Variants in SEPTIN2 observed in about 807,000 individuals in gnomAD.
SEPTIN2 encodes the protein septin 2, also known as septin-2.
SEPTIN2 carries 34 observed loss-of-function variants against 46.5 expected under a neutral mutation model. The ratio of observed to expected loss-of-function variants is 0.73; its 90% CI spans 0.56 to 0.97. The LOEUF is 0.97. SEPTIN2 is among the 50% of genes least tolerant of loss of function. The pLI, the probability that SEPTIN2 is intolerant of heterozygous loss-of-function variation, is 0.00. For missense variants in SEPTIN2, 347 were observed against 448.4 expected, an observed-to-expected ratio of 0.77 and a Z score of 2.04; for synonymous variants, 175 against 153.4, an observed-to-expected ratio of 1.14 and a Z score of -1.04.
rs1199875576 is a variant in SEPTIN2 at position 241,337,489 on chromosome 2, T to C, written c.449T>C (p.Phe150Ser). The C allele has an allele frequency of 6.2e-7, 1 of 1,614,014 alleles. No homozygotes were observed. The highest frequency in any genetic ancestry group is 1.1e-5 in the South Asian group (1 of 91,008). The part of the protein sequence containing the change: ...HIIDNRVHCC[F>S]YFISPFGHGL... ...ATTGATAATAGGGTGCATTGTTGCT[T>C]TTACTTTATTTCACCTTTTGGACAT... Residue 150 changes from phenylalanine (F) to serine (S), a missense_variant, in exon 6 of 13, where the codon TTT becomes TCT. By Grantham distance (155) the Phe-to-Ser change is radical. Transcript: ENST00000391971.
intron 1 of SEPTIN2, chr2:241,317,653 C>T (rs1471038260): frequency 4.1e-5 from 28 of 683,892 alleles, no homozygotes; most frequent in Non-Finnish European, 5.0e-5. Flanking sequence ...CCACTTATCC[C>T]TGCCCCAGTC....
At chr2:241,320,746 G>A (rs1287981141) in intron 1 of SEPTIN2, among the ~76,000 whole-genome samples, 2 of 152,080 alleles carry the variant, frequency 1.3e-5, no homozygotes, top group Admixed American at 1.3e-4. Flanking sequence ...CTGAGATCGC[G>A]CCAGTGCACT....
At chr2:241,324,784 A>G (rs1421200416) in intron 2 of SEPTIN2, 1 of 154,180 alleles carries the variant, frequency 6.5e-6, no homozygotes, top group Non-Finnish European at 1.4e-5. Flanking sequence ...CCCTTAGTTC[A>G]TTCCCAGCAG....
At chr2:241,339,677 AT>A in intron 7 of SEPTIN2, among the ~76,000 whole-genome samples, 1 of 152,066 alleles carries the variant, frequency 6.6e-6, no homozygotes, top group South Asian at 2.1e-4. Flanking sequence ...CTTTGACCAA[AT>A]TTACTGTTTC....
chr2:241,327,236 CTA>C (rs1309064670), intron 3 of SEPTIN2, among the ~76,000 whole-genome samples: 1 of 151,446 alleles, frequency 6.6e-6, no homozygotes, highest in Non-Finnish European at 1.5e-5. Context: ...AAGAAGAACT[CTA>C]TTACTTAAAG....
chr2:241,324,084 G>A lies in SEPTIN2; in HGVS notation c.-17-132G>A, dbSNP rs562423760. ...AATGCATTTGGAAGGTCCTGAAATT[G>A]TATTTTCTTTTTACATTGCCTATGT... On this transcript the variant is annotated intron_variant, in intron 1 of 12. Transcript: ENST00000391971. 14 of 773,724 alleles carry A rather than the reference G, an allele frequency of 1.8e-5. No individual in the cohort carries two copies. The South Asian group carries it at 2.3e-4, about 13-fold the overall frequency. The allele number at this position is 773,724 out of a possible 1,614,324, so 47.9% of individuals were successfully genotyped here.
chr2:241,332,103 C>T (rs983655198), intron 3 of SEPTIN2, among the ~76,000 whole-genome samples: 1 of 152,060 alleles, frequency 6.6e-6, no homozygotes. Flanking sequence ...GCTATAAAAA[C>T]TACAAGAAAA....
In SEPTIN2 at chr2:241,350,213, G is replaced by C; in HGVS notation, c.*29+10G>C. 2.0e-5 allele frequency: 31 copies of C among 1,519,000 alleles called. No individual in the cohort carries two copies. The highest frequency in any genetic ancestry group is 2.8e-5 in the Non-Finnish European group (31 of 1,118,066). 94.1% of individuals were successfully genotyped at this position (1,519,000 alleles called of 1,614,324 possible). On this transcript the variant is annotated intron_variant, in intron 12 of 12. Coordinates refer to ENST00000391971, the MANE Select transcript of SEPTIN2 (RefSeq NM_004404.5). ...TATCAAGAAGTCAGAGGTAGGCCCT[G>C]TTGTCCCTTAGCCTGGAAGACAGGC...
intron 3 of SEPTIN2, among the ~76,000 whole-genome samples, chr2:241,328,736 C>T (rs2078440527): frequency 6.6e-6 from 1 of 150,452 alleles, no homozygotes; most frequent in Non-Finnish European, 1.5e-5. Flanking sequence ...GAGAGAAACT[C>T]CATCTCAAAA....
intron 1 of SEPTIN2, among the ~76,000 whole-genome samples, chr2:241,322,205 G>A (rs907991005): frequency 7.2e-5 from 11 of 152,064 alleles, no homozygotes; most frequent in Non-Finnish European, 1.5e-4. Flanking sequence ...GCTCCAGAGG[G>A]AACCAAATTT....
Position 241,348,184 on chromosome 2 carries a change from A to C in SEPTIN2, c.977A>C (p.Glu326Ala). ...AAAGACCAGATCTTGCTGGAAAAAGAAGCTGAGGTAAGTAGGAAAGTACTA... is the reference window on the plus strand; with the variant it reads ...AAAGACCAGATCTTGCTGGAAAAAGCAGCTGAGGTAAGTAGGAAAGTACTA... ...MNKDQILLEK[E>A]AELRRMQEMI... The change falls in exon 11 of 13, where the codon GAA becomes GCA. Residue 326 changes from glutamate to alanine, a missense_variant. Physicochemically the swap from Glu to Ala is moderately radical, Grantham distance 107 (BLOSUM62 -1). Coordinates refer to ENST00000391971, the MANE Select transcript of SEPTIN2 (RefSeq NM_004404.5). 6.2e-7 allele frequency: 1 copy of C among 1,612,560 alleles called. No individual in the cohort carries two copies. The highest frequency in any genetic ancestry group is 8.5e-7 in the Non-Finnish European group (1 of 1,179,194).
At chr2:241,348,657 A>G (rs1467321255) in intron 11 of SEPTIN2, among the ~76,000 whole-genome samples, 3 of 152,114 alleles carry the variant, frequency 2.0e-5, no homozygotes, top group South Asian at 2.1e-4. Flanking sequence ...CTTTATTACT[A>G]TATATACACA....
In SEPTIN2 at chr2:241,337,484, T is replaced by TG; in HGVS notation, c.444_445insG (p.Cys149ValfsTer13). The TG allele has an allele frequency of 6.2e-7, 1 of 1,614,108 alleles. No individual in the cohort carries two copies. Among genetic ancestry groups the TG allele is most frequent in the South Asian group, 1.1e-5 (1 of 91,052 alleles). On this transcript the variant is annotated frameshift_variant, in exon 6 of 13. Transcript: ENST00000391971. LOFTEE classifies it high-confidence loss of function. Reference sequence around the variant, plus strand: ...ACATCATTGATAATAGGGTGCATTGTTGCTTTTACTTTATTTCACCTTTTG... The same window carrying TG: ...ACATCATTGATAATAGGGTGCATTGTGTGCTTTTACTTTATTTCACCTTTTG...
At chr2:241,341,436 T>A (rs2081250284) in intron 7 of SEPTIN2, among the ~76,000 whole-genome samples, 1 of 152,164 alleles carries the variant, frequency 6.6e-6, no homozygotes. Context: ...AAGTGTAAGC[T>A]CCATCTTTAT....
intron 1 of SEPTIN2, chr2:241,317,397 G>C (rs12233133): frequency 0.17 from 39,690 of 238,902 alleles, 3,874 homozygotes; most frequent in East Asian, 0.41. Context: ...TTTACATTCT[G>C]ACTGGCTCTT....
intron 1 of SEPTIN2, among the ~76,000 whole-genome samples, chr2:241,318,769 C>T (rs1196497636): frequency 1.3e-5 from 2 of 148,880 alleles, no homozygotes; most frequent in Non-Finnish European, 3.0e-5. Context: ...GGTGCGATCT[C>T]AGCTCACTGC....
intron 5 of SEPTIN2, chr2:241,336,329 C>T (rs886983388): frequency 2.0e-6 from 1 of 498,942 alleles, no homozygotes; most frequent in Non-Finnish European, 3.5e-6. Context: ...CATCCATAGA[C>T]TGCTAGTATA....
intron 7 of SEPTIN2, among the ~76,000 whole-genome samples, chr2:241,341,066 T>A (rs1032934869): frequency 9.2e-5 from 14 of 152,234 alleles, no homozygotes; most frequent in African/African-American, 3.1e-4. Flanking sequence ...GAAACTTCCC[T>A]TCCTTGGCTG....
At position 241,352,583 on chromosome 2, in the gene SEPTIN2, T is replaced by C. The variant is rs1333023110; in HGVS notation, c.*646T>C. On this transcript the variant is annotated 3_prime_UTR_variant, in exon 13 of 13. Coordinates refer to ENST00000391971, the MANE Select transcript of SEPTIN2 (RefSeq NM_004404.5). ...AGATATATCTTTATACTTAAACAGC[T>C]TTTTTAGAGGTGAGTTTTAAAGAAG... is the stretch of plus-strand genomic sequence containing the variant. 1.3e-5 allele frequency: 2 copies of C among 152,610 alleles called. No individual in the cohort carries two copies. The highest frequency in any genetic ancestry group is 2.9e-5 in the Non-Finnish European group (2 of 68,032). 9.5% of individuals were successfully genotyped at this position (152,610 alleles called of 1,614,324 possible). A position where few individuals can be genotyped will look rare whatever the true frequency, so the allele number is the denominator to read the frequency against.
Sources: allele counts gnomAD v4.1 joint callset (sites outside exome capture counted in the v4.1 genomes callset), GRCh38; gene constraint gnomAD v4.1.1; transcripts MANE v1.5; gene names NCBI Gene and HGNC (gene_info 2026-07-23, HGNC 2026-07-21).